Variants in NRP1 observed in about 807,000 individuals in gnomAD.
NRP1 encodes neuropilin-1.
In NRP1, 35 loss-of-function variants were observed where a neutral mutation model predicts 106.7. The ratio of observed to expected loss-of-function variants is 0.33; its 90% CI spans 0.25 to 0.43. The LOEUF (loss-of-function observed/expected upper bound fraction) is 0.43, where lower values mean the gene tolerates loss of function less well. NRP1 is among the 20% of genes least tolerant of loss of function. The pLI is 1.00. For missense variants in NRP1, 1,024 were observed against 1,170.4 expected (o/e 0.87, Z 1.83); for synonymous variants, 437 against 417.9 (o/e 1.05, Z -0.56).
At chr10:33,290,219 A>C (rs1214636062) in intron 2 of NRP1, among the ~76,000 whole-genome samples, 1 of 152,188 alleles carries the variant, frequency 6.6e-6, no homozygotes, top group Admixed American at 6.5e-5. Context: ...AAATATTACA[A>C]TCTTATCTGT....
At chr10:33,243,848 A>G (rs1451626795) in intron 6 of NRP1, among the ~76,000 whole-genome samples, 2 of 142,918 alleles carry the variant, frequency 1.4e-5, no homozygotes, top group African/African-American at 2.5e-5. Flanking sequence ...TCCTCTCTTT[A>G]TTTGAATCCA....
chr10:33,238,271 A>G (rs538716647), intron 6 of NRP1, among the ~76,000 whole-genome samples: 1 of 152,322 alleles, frequency 6.6e-6, no homozygotes, highest in Admixed American at 6.5e-5. Flanking sequence ...TGTCAATGAA[A>G]TGGCACAGAA....
chr10:33,248,331 A>G (rs1474949371), intron 6 of NRP1, among the ~76,000 whole-genome samples: 1 of 152,202 alleles, frequency 6.6e-6, no homozygotes, highest in Non-Finnish European at 1.5e-5. Flanking sequence ...CTATGGAAAC[A>G]TAAGATTTCG....
At chr10:33,248,229 G>T (rs1017808219) in intron 6 of NRP1, among the ~76,000 whole-genome samples, 1 of 152,168 alleles carries the variant, frequency 6.6e-6, no homozygotes, top group African/African-American at 2.4e-5. Context: ...GGTGGAGGTT[G>T]CAGCGAGCCA....
At chr10:33,228,343 G>T (rs576150683) in intron 6 of NRP1, among the ~76,000 whole-genome samples, 1 of 152,072 alleles carries the variant, frequency 6.6e-6, no homozygotes, top group Non-Finnish European at 1.5e-5. Flanking sequence ...CCGCACTCCA[G>T]CCTGGGTGAC....
At chr10:33,215,760 T>C (rs1838709041) in intron 8 of NRP1, among the ~76,000 whole-genome samples, 1 of 152,236 alleles carries the variant, frequency 6.6e-6, no homozygotes, top group African/African-American at 2.4e-5. Context: ...ATGAGTTCTA[T>C]GGTCCAGATC....
chr10:33,304,145 T>C (rs1393625290), intron 2 of NRP1, among the ~76,000 whole-genome samples: 2 of 152,188 alleles, frequency 1.3e-5, no homozygotes, highest in African/African-American at 2.4e-5. Flanking sequence ...GGCCAAATAG[T>C]TGAAAATAAC....
chr10:33,199,367 C>CATATATA (rs1837054610), intron 11 of NRP1, among the ~76,000 whole-genome samples: 1 of 54,274 alleles, frequency 1.8e-5, no homozygotes, highest in Non-Finnish European at 3.2e-5. Context: ...TGGCTGTTTT[C>CATATATA]TATATATATA....
intron 7 of NRP1, among the ~76,000 whole-genome samples, chr10:33,223,712 C>T (rs369783094): frequency 2.6e-5 from 4 of 152,304 alleles, no homozygotes; most frequent in East Asian, 3.9e-4. Flanking sequence ...CCTGTGATGG[C>T]CTTTTGATTT....
chr10:33,221,986 G>C (rs1483963571), intron 7 of NRP1, 123 bp from the exon 8 acceptor site: 1 of 1,015,764 alleles, frequency 9.8e-7, no homozygotes, highest in African/African-American at 1.6e-5. Context: ...AGGATGAGAT[G>C]GCGTTAATAA....
intron 6 of NRP1, among the ~76,000 whole-genome samples, chr10:33,231,724 C>A (rs1204927882): frequency 1.3e-5 from 2 of 152,066 alleles, no homozygotes; most frequent in Non-Finnish European, 2.9e-5. Flanking sequence ...AGGTATCATG[C>A]AGCATCAAGG....
chr10:33,207,800 A>C (rs1488057479), intron 9 of NRP1, 84 bp from the exon 10 acceptor site: 1 of 1,469,724 alleles, frequency 6.8e-7, no homozygotes, highest in Admixed American at 1.9e-5. Flanking sequence ...CTCCTTCAGG[A>C]CTCTGAATAA....
intron 6 of NRP1, among the ~76,000 whole-genome samples, chr10:33,229,656 C>T (rs1362169363): frequency 2.6e-5 from 4 of 151,976 alleles, no homozygotes; most frequent in African/African-American, 9.7e-5. Flanking sequence ...GATTTAATTA[C>T]TAAGTAGGAA....
chr10:33,282,772 G>A (rs1026524479), intron 2 of NRP1, among the ~76,000 whole-genome samples: 1 of 151,774 alleles, frequency 6.6e-6, no homozygotes, highest in African/African-American at 2.4e-5. Flanking sequence ...TGAAGGCAGA[G>A]TCTTGCTCTG....
chr10:33,188,910 A>T (rs201704074), intron 13 of NRP1, among the ~76,000 whole-genome samples: 4 of 111,338 alleles, frequency 3.6e-5, no homozygotes, highest in African/African-American at 1.2e-4. Flanking sequence ...CCCTGTCTTA[A>T]ATATATATAT....
At chr10:33,302,354 G>A (rs1029532472) in intron 2 of NRP1, among the ~76,000 whole-genome samples, 6 of 152,106 alleles carry the variant, frequency 3.9e-5, no homozygotes, top group African/African-American at 1.4e-4. Context: ...GCCCCTTTGC[G>A]TAAAAGCTAA....
At chr10:33,323,149 G>A (rs1262243132) in intron 2 of NRP1, among the ~76,000 whole-genome samples, 1 of 152,054 alleles carries the variant, frequency 6.6e-6, no homozygotes, top group Admixed American at 6.6e-5. Flanking sequence ...ACAGAGAATG[G>A]CTTACCTCAG....
chr10:33,242,420 T>A (rs1327571337), intron 6 of NRP1, among the ~76,000 whole-genome samples: 1 of 152,220 alleles, frequency 6.6e-6, no homozygotes, highest in African/African-American at 2.4e-5. Context: ...GTACGTGCTA[T>A]AAAATGTTGC....
chr10:33,272,399 C>A (rs899864152), intron 2 of NRP1, among the ~76,000 whole-genome samples: 1 of 152,104 alleles, frequency 6.6e-6, no homozygotes, highest in Non-Finnish European at 1.5e-5. Flanking sequence ...CACCACCGTC[C>A]CTTTGCAAAA....
Sources: gnomAD v4.1 joint callset for allele counts (sites outside exome capture counted in the v4.1 genomes callset) on GRCh38, gnomAD v4.1.1 for gene constraint, MANE v1.5 for transcripts, NCBI Gene and HGNC (gene_info 2026-07-23, HGNC 2026-07-21) for gene names.